Variants in CDH19 observed in about 807,000 individuals in gnomAD.
The protein encoded by CDH19 is cadherin-19.
CDH19 carries 67 observed loss-of-function variants against 64.2 expected under a neutral mutation model. The ratio of observed to expected loss-of-function variants is 1.04; its 90% CI spans 0.86 to 1.28. CDH19 has a LOEUF of 1.28. Ranked by LOEUF, CDH19 falls within the 50% of genes most tolerant of loss-of-function variation. The pLI, the probability that CDH19 is intolerant of heterozygous loss-of-function variation, is 0.00. For missense variants in CDH19, 1,030 were observed against 929.0 expected, an observed-to-expected ratio of 1.11 and a Z score of -1.41; for synonymous variants, 346 against 319.3, an observed-to-expected ratio of 1.08 and a Z score of -0.89.
intron 3 of CDH19, among the ~76,000 whole-genome samples, chr18:66,561,761 G>T (rs1987731565): frequency 6.6e-6 from 1 of 152,002 alleles, no homozygotes; most frequent in African/African-American, 2.4e-5. Flanking sequence ...AATTCTCTTA[G>T]AATCATACTT....
rs1326306184 is a variant in CDH19 at position 66,501,169 on chromosome 18, A to G, written c.*3643T>C. 1 of 152,174 alleles carries G rather than the reference A, an allele frequency of 6.6e-6. No homozygotes were observed. The highest frequency in any genetic ancestry group is 1.5e-5 in the Non-Finnish European group (1 of 68,028). 9.4% of individuals were successfully genotyped at this position (152,174 alleles called of 1,614,324 possible). A position where few individuals can be genotyped will look rare whatever the true frequency, so the allele number is the denominator to read the frequency against. On this transcript the variant is annotated 3_prime_UTR_variant, in exon 12 of 12. Transcript: ENST00000262150. ...GAATTTCTACAAGTCACTAAGTAAA[A>G]TAGATTGGATTCATTACTACATTAA...
chr18:66,529,925 CT>C lies in CDH19; in HGVS notation c.1377del (p.Val460PhefsTer28). The C allele has an allele frequency of 6.4e-7, 1 of 1,572,414 alleles. No homozygotes were observed. Among genetic ancestry groups the C allele is most frequent in the Non-Finnish European group, 8.7e-7 (1 of 1,149,436 alleles). ...GGAGCATGATCATTGATGTTAAGAA[CT>C]TGCACATACAGTGGGATCGAAGAGA... The part of the protein sequence containing the change: ...EQISSIPLYV[Q>X]VLNINDHAPE... On this transcript the variant is annotated frameshift_variant, in exon 9 of 12. Transcript: ENST00000262150. LOFTEE classifies it high-confidence loss of function.
intron 9 of CDH19, among the ~76,000 whole-genome samples, chr18:66,522,195 G>A (rs1444961805): frequency 2.7e-5 from 4 of 150,470 alleles, no homozygotes; most frequent in South Asian, 2.1e-4. Flanking sequence ...TGATCCGCCC[G>A]CCTCAGCCTC....
At chr18:66,539,496 T>G (rs1598994254) in intron 7 of CDH19, among the ~76,000 whole-genome samples, 1 of 152,134 alleles carries the variant, frequency 6.6e-6, no homozygotes, top group South Asian at 2.1e-4. Flanking sequence ...TTTTGAATAT[T>G]GTCAAATGTT....
intron 5 of CDH19, among the ~76,000 whole-genome samples, chr18:66,548,745 G>A (rs1054990463): frequency 8.5e-5 from 13 of 152,076 alleles, no homozygotes; most frequent in African/African-American, 3.1e-4. Context: ...GTCGTTAATT[G>A]GAAACAATAA....
intron 1 of CDH19, among the ~76,000 whole-genome samples, chr18:66,592,984 T>C (rs1277479904): frequency 6.6e-6 from 1 of 151,934 alleles, no homozygotes; most frequent in Non-Finnish European, 1.5e-5. Context: ...ACCTTCATAC[T>C]GTTTTACATA....
intron 11 of CDH19, among the ~76,000 whole-genome samples, chr18:66,506,618 A>T (rs562234042): frequency 6.6e-6 from 1 of 152,052 alleles, no homozygotes; most frequent in African/African-American, 2.4e-5. Flanking sequence ...CATCATGTAG[A>T]AACAGAAAAA....
intron 8 of CDH19, chr18:66,532,519 C>CACACACACACACACACACAG (rs957423260): frequency 3.4e-6 from 1 of 294,520 alleles, no homozygotes; most frequent in African/African-American, 2.2e-5. Flanking sequence ...CACACACACA[C>CACACACACACACACACACAG]AGAGAAAGAG....
intron 9 of CDH19, among the ~76,000 whole-genome samples, chr18:66,515,393 T>A (rs1024869035): frequency 1.3e-5 from 2 of 151,722 alleles, no homozygotes; most frequent in Non-Finnish European, 3.0e-5. Flanking sequence ...AAAAAAGGTG[T>A]TGAACATCTG....
chr18:66,554,505 C>G lies in CDH19; in HGVS notation c.510G>C (p.Val170=). The change falls in exon 4 of 12, where the codon GTG becomes GTC. Residue 170 remains valine, a synonymous_variant. Transcript: ENST00000262150. ...AGGGATCGTCAGCATCACTTGCTGT[C>G]ACCTGGATAACTAATGTTCCTAAAG... ...MSPEGTLVIQ[V]TASDADDPSS... is the part of the protein sequence containing the mutation. 6.2e-7 allele frequency: 1 copy of G among 1,611,162 alleles called. No individual in the cohort carries two copies. Among genetic ancestry groups the G allele is most frequent in the Non-Finnish European group, 8.5e-7 (1 of 1,178,000 alleles).
Position 66,544,808 on chromosome 18 carries a change from TTTC to T in CDH19, c.868_870del (p.Glu290del), listed in dbSNP as rs771429072. The stretch of plus-strand genomic sequence containing the variant: ...TCATCCTCTTCAATGCTGTAATCCA[TTTC>T]TGCATTCTCTCCTATGTCATTATCA... On this transcript the variant is annotated inframe_deletion, in exon 6 of 12. Transcript: ENST00000262150. 6.2e-7 allele frequency: 1 copy of T among 1,612,676 alleles called. No homozygotes were observed. Among genetic ancestry groups the T allele is most frequent in the Admixed American group, 1.7e-5 (1 of 60,018 alleles).
rs1359632463 is a variant in CDH19 at position 66,505,274 on chromosome 18, T to C, written c.1857A>G (p.Lys619=). Residue 619 remains lysine (K), a synonymous_variant, in exon 12 of 12, where the codon AAA becomes AAG. Transcript: ENST00000262150. ...FGFIFLTLGL[K]QRRKQILFPE... Reference sequence around the variant, plus strand: ...GAAATAGAATCTGTTTTCTCCGTTGTTTTAAACCCAAAGTCAAAAAAATAA... The same window carrying C: ...GAAATAGAATCTGTTTTCTCCGTTGCTTTAAACCCAAAGTCAAAAAAATAA... The C allele has an allele frequency of 6.4e-7, 1 of 1,573,076 alleles. No individual in the cohort carries two copies. Among genetic ancestry groups the C allele is most frequent in the Admixed American group, 2.0e-5 (1 of 49,582 alleles).
At position 66,502,129 on chromosome 18, in the gene CDH19, C is replaced by A. The variant is rs1286336910; in HGVS notation, c.*2683G>T. The stretch of plus-strand genomic sequence containing the variant: ...GTTTAAGAGCTGTGTTCTTGCAACA[C>A]CCATGTGATGCAAAACATAAAATAA... On this transcript the variant is annotated 3_prime_UTR_variant, in exon 12 of 12. Coordinates refer to ENST00000262150, the MANE Select transcript of CDH19 (RefSeq NM_021153.4). 1 of 151,976 alleles carries A rather than the reference C, an allele frequency of 6.6e-6. No homozygotes were observed. Among genetic ancestry groups the A allele is most frequent in the Non-Finnish European group, 1.5e-5 (1 of 67,976 alleles). 9.4% of individuals were successfully genotyped at this position (151,976 alleles called of 1,614,324 possible).
intron 11 of CDH19, among the ~76,000 whole-genome samples, chr18:66,506,729 C>T (rs1173906426): frequency 6.6e-6 from 1 of 151,518 alleles, no homozygotes; most frequent in Non-Finnish European, 1.5e-5. Context: ...CAAGAGCCAA[C>T]CTAGGATCTT....
chr18:66,559,239 AC>A (rs1364011766), intron 3 of CDH19, among the ~76,000 whole-genome samples: 21 of 152,186 alleles, frequency 1.4e-4, no homozygotes, highest in South Asian at 6.2e-4. Context: ...AATAAAAAAA[AC>A]AAAGTACATC....
In CDH19 at chr18:66,504,910, A is replaced by G; in HGVS notation, c.2221T>C (p.Ser741Pro). ...GSLSSLESAV[S>P]DQDESYDYLN... is the part of the protein sequence containing the mutation. The stretch of plus-strand genomic sequence containing the variant: ...TAATCATAGCTTTCATCCTGATCAG[A>G]GACTGCTGATTCTAAGGAGCTCAGG... Residue 741 changes from serine to proline, a missense_variant, in exon 12 of 12, where the codon TCT (serine) becomes CCT (proline). Physicochemically the swap from Ser to Pro is moderately conservative, Grantham distance 74 (BLOSUM62 -1). Transcript: ENST00000262150. 6.2e-7 allele frequency: 1 copy of G among 1,613,482 alleles called. No individual in the cohort carries two copies. Among genetic ancestry groups the G allele is most frequent in the South Asian group, 1.1e-5 (1 of 91,070 alleles).
At chr18:66,523,665 T>A (rs1015643510) in intron 9 of CDH19, among the ~76,000 whole-genome samples, 38 of 151,456 alleles carry the variant, frequency 2.5e-4, no homozygotes, top group African/African-American at 8.3e-4. Context: ...CAGGCGGCAG[T>A]TGCTGGTTGC....
In CDH19 at chr18:66,568,514, T is replaced by G; in HGVS notation, c.392A>C (p.Glu131Ala). The change falls in exon 3 of 12, where the codon GAG becomes GCG. Residue 131 changes from glutamate to alanine, a missense_variant. By Grantham distance (107) the Glu-to-Ala change is moderately radical. Coordinates refer to ENST00000262150, the MANE Select transcript of CDH19 (RefSeq NM_021153.4). ...DIATGRAVEP[E>A]SEFVIKVSDI... ...CGAAACTTTGATGACAAACTCAGAC[T>G]CAGGTTCCACAGCCCTTCCAGTAGC... The G allele has an allele frequency of 6.2e-7, 1 of 1,612,378 alleles. No homozygotes were observed. The highest frequency in any genetic ancestry group is 8.5e-7 in the Non-Finnish European group (1 of 1,178,942).
chr18:66,527,047 ATG>A (rs71169151), intron 9 of CDH19, among the ~76,000 whole-genome samples: 33,905 of 144,798 alleles, frequency 0.23, 4,887 homozygotes, highest in African/African-American at 0.44. Context: ...ATATATATAT[ATG>A]TGTGTGTGTG....
Sources: allele counts gnomAD v4.1 joint callset (sites outside exome capture counted in the v4.1 genomes callset), GRCh38; gene constraint gnomAD v4.1.1; transcripts MANE v1.5; gene names NCBI Gene and HGNC (gene_info 2026-07-23, HGNC 2026-07-21).